The following SAMMSON variants were observed in gnomAD, a reference collection of about 807,000 sequenced individuals.
SAMMSON encodes long intergenic non-protein coding RNA 1212.
intron 7 of SAMMSON, among the ~76,000 whole-genome samples, chr3:70,345,275 C>G (rs970108446): frequency 6.6e-6 from 1 of 152,122 alleles, no homozygotes; most frequent in Admixed American, 6.5e-5. Context: ...GAAGTGCTAG[C>G]CCATATTCCC....
chr3:70,410,238 CT>C (rs1323064983), intron 2 of SAMMSON, among the ~76,000 whole-genome samples: 1 of 152,178 alleles, frequency 6.6e-6, no homozygotes. Flanking sequence ...TACAATCTGT[CT>C]TCCACTAGGC....
At chr3:70,294,106 T>C (rs974008975) in intron 7 of SAMMSON, among the ~76,000 whole-genome samples, 16 of 152,156 alleles carry the variant, frequency 1.1e-4, no homozygotes, top group African/African-American at 3.9e-4. Context: ...CATCTAAGTT[T>C]CCTATTCTCA....
At chr3:70,240,322 A>G (rs913039983) in intron 4 of SAMMSON, among the ~76,000 whole-genome samples, 2 of 152,052 alleles carry the variant, frequency 1.3e-5, no homozygotes, top group African/African-American at 2.4e-5. Flanking sequence ...AGAAACAAGC[A>G]GAATAACCAA....
At chr3:70,191,063 T>A (rs1165226651) in intron 4 of SAMMSON, among the ~76,000 whole-genome samples, 1 of 152,170 alleles carries the variant, frequency 6.6e-6, no homozygotes, top group Non-Finnish European at 1.5e-5. Flanking sequence ...ACTGAGAGGA[T>A]CTTCTTCTAT....
intron 4 of SAMMSON, among the ~76,000 whole-genome samples, chr3:70,248,687 T>C (rs938072449): frequency 6.6e-6 from 1 of 152,136 alleles, no homozygotes; most frequent in African/African-American, 2.4e-5. Context: ...GATGTTAATT[T>C]GCCATTGGAA....
Position 70,286,300 on chromosome 3 carries a change from G to A in SAMMSON, n.675-4879G>A, listed in dbSNP as rs529103264. Among the ~76,000 whole-genome samples, 588 of 152,008 alleles carry A rather than the reference G, an allele frequency of 3.9e-3. 6 individuals are homozygous for A. The highest frequency in any genetic ancestry group is 0.011 in the African/African-American group (441 of 41,490). On this transcript the variant is annotated intron_variant and non_coding_transcript_variant, in intron 6 of 9. Coordinates refer to ENST00000642114, the Ensembl canonical transcript of SAMMSON. The stretch of plus-strand genomic sequence containing the variant: ...ATGGCTAGCCAGTTTTCCCAGCACC[G>A]TTTATTAAATAGGGAATCCTTTCCC...
intron 3 of SAMMSON, among the ~76,000 whole-genome samples, chr3:70,060,505 C>T (rs2067183664): frequency 6.6e-6 from 1 of 152,082 alleles, no homozygotes; most frequent in Admixed American, 6.6e-5. Flanking sequence ...TCTGCCATTC[C>T]ACCATTTCTG....
chr3:70,195,410 T>A (rs1701166433), intron 4 of SAMMSON, among the ~76,000 whole-genome samples: 2 of 152,140 alleles, frequency 1.3e-5, no homozygotes, highest in African/African-American at 4.8e-5. Flanking sequence ...CAGGAGCAAG[T>A]TGAGAGTGGT....
chr3:70,373,962 A>G (rs1169144184), intron 9 of SAMMSON, among the ~76,000 whole-genome samples: 2 of 152,148 alleles, frequency 1.3e-5, no homozygotes, highest in African/African-American at 4.8e-5. Flanking sequence ...TTGCCTAGGC[A>G]GGAGTGCAAT....
intron 9 of SAMMSON, among the ~76,000 whole-genome samples, chr3:70,362,972 A>G (rs972307874): frequency 1.3e-5 from 2 of 152,030 alleles, no homozygotes; most frequent in African/African-American, 4.8e-5. Flanking sequence ...ATCTATCTCT[A>G]TGGTTGACAT....
chr3:70,221,652 C>T (rs1701460740), intron 4 of SAMMSON, among the ~76,000 whole-genome samples: 1 of 152,070 alleles, frequency 6.6e-6, no homozygotes, highest in Non-Finnish European at 1.5e-5. Flanking sequence ...GTATAATTCC[C>T]CTGAATGACA....
chr3:70,318,082 C>T (rs1047284662), intron 7 of SAMMSON, among the ~76,000 whole-genome samples: 1 of 151,592 alleles, frequency 6.6e-6, no homozygotes, highest in Non-Finnish European at 1.5e-5. Flanking sequence ...CTAGGATGTA[C>T]TTAGATGTAA....
At chr3:70,291,396 A>G (rs1702238379) in intron 7 of SAMMSON, among the ~76,000 whole-genome samples, 1 of 152,184 alleles carries the variant, frequency 6.6e-6, no homozygotes, top group Non-Finnish European at 1.5e-5. Context: ...ACGATATAAC[A>G]AATATATCGT....
intron 7 of SAMMSON, chr3:70,312,747 T>G (rs974010976): frequency 6.6e-5 from 10 of 150,774 alleles, no homozygotes; most frequent in Admixed American, 1.3e-4. Context: ...TTTTTTGTGT[T>G]TTTTTTTTAA....
At chr3:70,253,205 G>T (rs1001481543) in intron 6 of SAMMSON, among the ~76,000 whole-genome samples, 24 of 152,162 alleles carry the variant, frequency 1.6e-4, no homozygotes, top group Admixed American at 1.4e-3. Context: ...AATATGGTAG[G>T]GTCAGTCCTT....
chr3:70,033,779 C>G (rs1282064364), intron 3 of SAMMSON, among the ~76,000 whole-genome samples: 1 of 152,012 alleles, frequency 6.6e-6, no homozygotes, highest in Non-Finnish European at 1.5e-5. Flanking sequence ...TTGGGGACTA[C>G]ATGGGGGCCG....
intron 7 of SAMMSON, among the ~76,000 whole-genome samples, chr3:70,306,990 TATAG>T (rs1416221118): frequency 3.3e-5 from 5 of 152,058 alleles, no homozygotes; most frequent in Non-Finnish European, 7.4e-5. Flanking sequence ...TATTTATATA[TATAG>T]AGAGAGAGAC....
rs188175556 is a variant in SAMMSON, at chr3:70,402,937, A to G, written n.233+44613A>G. On this transcript the variant is annotated intron_variant and non_coding_transcript_variant, in intron 2 of 3. Transcript: ENST00000641053. ...TTATATACCACATATGTGTGTATAT[A>G]TATTATATATATATCATGTGTATGA... Among the ~76,000 whole-genome samples, 20 of 152,110 alleles carry G rather than the reference A, an allele frequency of 1.3e-4. No individual in the cohort carries two copies. The East Asian group carries it at 3.9e-3, about 29-fold the overall frequency.
At chr3:70,164,619 G>A (rs1330190075) in intron 4 of SAMMSON, among the ~76,000 whole-genome samples, 2 of 151,928 alleles carry the variant, frequency 1.3e-5, no homozygotes, top group African/African-American at 2.4e-5. Flanking sequence ...ATAGTGTTCT[G>A]TCCGTGAGCT....
Sources: gnomAD v4.1 joint callset for allele counts (sites outside exome capture counted in the v4.1 genomes callset) on GRCh38, gnomAD v4.1.1 for gene constraint, MANE v1.5 for transcripts, NCBI Gene and HGNC (gene_info 2026-07-23, HGNC 2026-07-21) for gene names.